DNAH14: variants seen among roughly 807,000 people sequenced by gnomAD.
DNAH14 encodes the protein axonemal beta dynein heavy chain 14.
In DNAH14, 478 loss-of-function variants were observed where a neutral mutation model predicts 520.9. The observed-to-expected ratio is 0.92, with a 90% confidence interval of 0.85 to 0.99. The LOEUF (loss-of-function observed/expected upper bound fraction) is 0.99. DNAH14 is among the 50% of genes least tolerant of loss of function. DNAH14 has a pLI of 0.00. For synonymous variants in DNAH14, 1,581 were observed against 1,757.2 expected, an observed-to-expected ratio of 0.90 and a Z score of 2.51; for missense variants, 4,831 against 5,234.5, an observed-to-expected ratio of 0.92 and a Z score of 2.38.
intron 27 of DNAH14, among the ~76,000 whole-genome samples, chr1:225,137,715 C>T (rs1405710877): frequency 5.9e-5 from 9 of 152,112 alleles, no homozygotes; most frequent in Non-Finnish European, 4.4e-5. Context: ...GCTAGGGCCC[C>T]CCAGTGGAAG....
intron 21 of DNAH14, among the ~76,000 whole-genome samples, chr1:225,095,196 C>A (rs577873865): frequency 6.6e-6 from 1 of 152,114 alleles, no homozygotes; most frequent in African/African-American, 2.4e-5. Flanking sequence ...GACACATGCA[C>A]GCTTATGTTC....
At chr1:224,983,442 A>G (rs2062410647) in intron 8 of DNAH14, among the ~76,000 whole-genome samples, 1 of 152,176 alleles carries the variant, frequency 6.6e-6, no homozygotes, top group African/African-American at 2.4e-5. Flanking sequence ...CCCACAGCCA[A>G]CATAATACTG....
intron 60 of DNAH14, among the ~76,000 whole-genome samples, chr1:225,315,234 A>G (rs1284091072): frequency 2.6e-5 from 4 of 151,208 alleles, no homozygotes; most frequent in African/African-American, 9.7e-5. Flanking sequence ...TGATTCGGCT[A>G]CTGATATTTG....
intron 79 of DNAH14, among the ~76,000 whole-genome samples, chr1:225,379,016 G>A (rs879835490): frequency 6.6e-6 from 1 of 152,126 alleles, no homozygotes; most frequent in Non-Finnish European, 1.5e-5. Flanking sequence ...CGGGGCCCTG[G>A]TTTCATCATC....
chr1:225,320,494 TA>T (rs1214272419), intron 61 of DNAH14, among the ~76,000 whole-genome samples: 6 of 152,224 alleles, frequency 3.9e-5, no homozygotes, highest in Non-Finnish European at 5.9e-5. Context: ...GTTATATTGC[TA>T]ATGTGTATTT....
intron 77 of DNAH14, among the ~76,000 whole-genome samples, chr1:225,370,361 G>A (rs1340844031): frequency 6.6e-6 from 1 of 150,808 alleles, no homozygotes; most frequent in African/African-American, 2.4e-5. Flanking sequence ...TGTATAAAAA[G>A]TAAAATATAT....
chr1:225,283,133 GA>G (rs1206965972), intron 54 of DNAH14, among the ~76,000 whole-genome samples: 2 of 151,388 alleles, frequency 1.3e-5, no homozygotes, highest in Non-Finnish European at 2.9e-5. Flanking sequence ...AAAGAATGGA[GA>G]AACAAAGGGA....
chr1:224,935,472 A>G (rs1341664600), intron 1 of DNAH14, among the ~76,000 whole-genome samples: 4 of 151,916 alleles, frequency 2.6e-5, no homozygotes, highest in Non-Finnish European at 5.9e-5. Context: ...CAAGAATAGT[A>G]AAAAAGACAA....
intron 55 of DNAH14, among the ~76,000 whole-genome samples, chr1:225,295,067 C>G (rs2093978002): frequency 6.6e-6 from 1 of 152,080 alleles, no homozygotes; most frequent in African/African-American, 2.4e-5. Context: ...ATAATAGTCT[C>G]TAGTAATCCT....
intron 1 of DNAH14, among the ~76,000 whole-genome samples, chr1:224,945,719 T>G (rs1374249016): frequency 6.6e-6 from 1 of 152,302 alleles, no homozygotes; most frequent in African/African-American, 2.4e-5. Context: ...GTCAGGACCC[T>G]CAGGTGCAGG....
chr1:225,122,461 G>A lies in DNAH14; in HGVS notation c.4167-1066G>A, dbSNP rs116982279. ...CTCTACTGTGCCTCTAGGTCAGCAC[G>A]TTTTAAGTATTCCATATACTTATAG... On this transcript the variant is annotated intron_variant, in intron 26 of 85. Coordinates refer to ENST00000682510, the MANE Select transcript of DNAH14 (RefSeq NM_001367479.1). Among the ~76,000 whole-genome samples, 3 of 152,222 alleles carry A rather than the reference G, an allele frequency of 2.0e-5. No individual in the cohort carries two copies. In the East Asian group the frequency reaches 5.8e-4, roughly 29 times the overall value.
intron 46 of DNAH14, 117 bp downstream of exon 46, chr1:225,259,370 C>A: frequency 1.4e-6 from 1 of 719,428 alleles, no homozygotes; most frequent in Non-Finnish European, 2.0e-6. Context: ...CAGAATCATT[C>A]AAAAGAGGAG....
intron 55 of DNAH14, among the ~76,000 whole-genome samples, chr1:225,292,685 G>C (rs940482318): frequency 5.3e-5 from 8 of 152,152 alleles, no homozygotes; most frequent in Non-Finnish European, 1.2e-4. Flanking sequence ...GATTGCTTTA[G>C]GTAGTATGGT....
At chr1:225,366,993 A>G (rs2095560737) in intron 76 of DNAH14, among the ~76,000 whole-genome samples, 1 of 126,150 alleles carries the variant, frequency 7.9e-6, no homozygotes, top group Non-Finnish European at 1.6e-5. Flanking sequence ...CCCTGATCCA[A>G]AAGTCTCATG....
chr1:225,145,248 T>C, intron 29 of DNAH14, 78 bp from the exon 30 acceptor site: 2 of 1,177,410 alleles, frequency 1.7e-6, no homozygotes, highest in Non-Finnish European at 2.4e-6. Context: ...ATAAAGACAT[T>C]TTATTACTCT....
At chr1:225,329,622 C>G (rs981658746) in intron 64 of DNAH14, among the ~76,000 whole-genome samples, 2 of 152,028 alleles carry the variant, frequency 1.3e-5, no homozygotes, top group Non-Finnish European at 2.9e-5. Context: ...AAACTAGACC[C>G]CTATCTCTCA....
intron 76 of DNAH14, 142 bp downstream of exon 76, chr1:225,365,036 A>G (rs1487397661): frequency 3.6e-6 from 2 of 558,664 alleles, no homozygotes; most frequent in South Asian, 3.5e-5. Context: ...TTTGTGCTCA[A>G]CCCTATACTG....
intron 58 of DNAH14, among the ~76,000 whole-genome samples, chr1:225,305,803 C>T (rs2094228428): frequency 6.6e-6 from 1 of 152,156 alleles, no homozygotes; most frequent in Non-Finnish European, 1.5e-5. Flanking sequence ...TGTCACGTAT[C>T]CAGCTAATAA....
chr1:224,964,220 C>T (rs1019431715), intron 4 of DNAH14, among the ~76,000 whole-genome samples: 9 of 152,100 alleles, frequency 5.9e-5, no homozygotes, highest in Admixed American at 5.2e-4. Context: ...TATTCCTAGT[C>T]TCTTCTCTTG....
Sources: allele counts gnomAD v4.1 joint callset (sites outside exome capture counted in the v4.1 genomes callset), GRCh38; gene constraint gnomAD v4.1.1; transcripts MANE v1.5; gene names NCBI Gene and HGNC (gene_info 2026-07-23, HGNC 2026-07-21).